The following ILDR1 variants were observed in gnomAD, a reference collection of about 807,000 sequenced individuals.
The protein encoded by ILDR1 is immunoglobulin like domain containing receptor 1.
Under a neutral mutation model 62.4 loss-of-function variants are expected in ILDR1, and 56 were observed. The ratio of observed to expected loss-of-function variants is 0.90; its 90% CI spans 0.72 to 1.12. ILDR1 has a LOEUF of 1.12. ILDR1 is among the 50% of genes most tolerant of loss of function. The pLI, the probability that ILDR1 is intolerant of heterozygous loss-of-function variation, is 0.00. For missense variants in ILDR1, 736 were observed against 710.6 expected (o/e 1.04, Z -0.41); for synonymous variants, 284 against 277.8 (o/e 1.02, Z -0.22).
intron 2 of ILDR1, 66 bp downstream of exon 2, chr3:122,006,925 C>T: frequency 6.6e-7 from 1 of 1,522,094 alleles, no homozygotes; most frequent in East Asian, 2.4e-5. Flanking sequence ...ATCCCTCAAC[C>T]CTAACCGCAG....
chr3:121,993,222 C>CGGCTTCT lies in ILDR1; in HGVS notation c.1520_1526dup (p.Pro510GlufsTer4). ...TGATATCAAGTGAGCGGTAGCTAGGCGGCTTCTCCTCGGGCCAGTGTGGGG... is the reference window on the plus strand; with the variant it reads ...TGATATCAAGTGAGCGGTAGCTAGGCGGCTTCTGGCTTCTCCTCGGGCCAGTGTGGGG... On this transcript the variant is annotated frameshift_variant, in exon 7 of 8. Transcript: ENST00000344209. LOFTEE classifies it high-confidence loss of function. 6.2e-7 allele frequency: 1 copy of CGGCTTCT among 1,613,944 alleles called. No individual in the cohort carries two copies.
At chr3:122,020,683 CT>C (rs1215591578) in intron 1 of ILDR1, among the ~76,000 whole-genome samples, 1 of 152,230 alleles carries the variant, frequency 6.6e-6, no homozygotes, top group African/African-American at 2.4e-5. Context: ...GGAGAGAAGA[CT>C]GTGCAAAGCT....
chr3:122,017,940 G>A (rs992638251), intron 1 of ILDR1, among the ~76,000 whole-genome samples: 5 of 152,208 alleles, frequency 3.3e-5, no homozygotes, highest in Non-Finnish European at 7.3e-5. Context: ...TTACACTGTT[G>A]GTGGGAGTGT....
intron 7 of ILDR1, among the ~76,000 whole-genome samples, chr3:121,992,767 G>A (rs980148474): frequency 2.6e-5 from 4 of 152,208 alleles, no homozygotes; most frequent in African/African-American, 9.7e-5. Context: ...AGAAAGCAAA[G>A]CAGCTGTGAA....
chr3:122,029,982 G>C, the ILDR1 span, among the ~76,000 whole-genome samples: 1 of 151,964 alleles, frequency 6.6e-6, no homozygotes, highest in Non-Finnish European at 1.5e-5. Flanking sequence ...ATCCAGGTTA[G>C]GAAGATGTCA....
chr3:121,990,386 C>T (rs532266820), intron 7 of ILDR1, among the ~76,000 whole-genome samples: 2 of 152,354 alleles, frequency 1.3e-5, no homozygotes, highest in South Asian at 4.1e-4. Context: ...AAAGTGATAA[C>T]TCCTTGGGAG....
At chr3:122,039,742 G>A in the ILDR1 span, among the ~76,000 whole-genome samples, 653 of 152,078 alleles carry the variant, frequency 4.3e-3, 9 homozygotes, top group Non-Finnish European at 5.0e-3. Flanking sequence ...ATGAGGGTAA[G>A]ATAAAATTTA....
At chr3:122,048,186 G>A in the ILDR1 span, among the ~76,000 whole-genome samples, 1 of 152,136 alleles carries the variant, frequency 6.6e-6, no homozygotes, top group Non-Finnish European at 1.5e-5. Context: ...ATTTTACCAA[G>A]TATTTTTTCT....
At chr3:122,031,366 G>A in the ILDR1 span, among the ~76,000 whole-genome samples, 415 of 152,314 alleles carry the variant, frequency 2.7e-3, 3 homozygotes, top group African/African-American at 9.6e-3. Flanking sequence ...TGATCCAGAA[G>A]TTCTTTTCAG....
the ILDR1 span, among the ~76,000 whole-genome samples, chr3:122,029,511 A>ATATATATATATATATATATATATATATAT: frequency 2.2e-5 from 3 of 139,500 alleles, no homozygotes; most frequent in Admixed American, 7.0e-5. Flanking sequence ...GTCTAAAAAA[A>ATATATATATATATATATATATATATATAT]ATATATATAT....
At chr3:122,034,508 G>A in the ILDR1 span, among the ~76,000 whole-genome samples, 6,824 of 152,268 alleles carry the variant, frequency 0.045, 215 homozygotes, top group South Asian at 0.1. Flanking sequence ...TACCTTAGCT[G>A]ATGCTTCCAG....
At chr3:122,002,075 A>G (rs1253917019) in intron 3 of ILDR1, among the ~76,000 whole-genome samples, 1 of 152,176 alleles carries the variant, frequency 6.6e-6, no homozygotes, top group Non-Finnish European at 1.5e-5. Context: ...AGGAAGTTGA[A>G]GCTGCAGTGA....
chr3:122,005,792 G>A (rs1413780860), intron 2 of ILDR1, among the ~76,000 whole-genome samples: 7 of 151,982 alleles, frequency 4.6e-5, no homozygotes, highest in East Asian at 1.9e-4. Context: ...CCAGCTACTC[G>A]GGAGGCTAAG....
chr3:121,993,933 C>T lies in ILDR1; in HGVS notation c.816G>A (p.Met272Ile). The change falls in exon 7 of 8, where the codon ATG becomes ATA. Residue 272 changes from methionine (M) to isoleucine (I), a missense_variant. Physicochemically the swap from Met to Ile is conservative, Grantham distance 10. Transcript: ENST00000344209. ...TGGGAGGCTGATTGGTGGTCTGGGT[C>T]ATTGGCATCTGCGGGAGGCTGGACG... ...SLPSSLPQMPMTQTTNQPPIA... is the reference protein window; with the variant it reads ...SLPSSLPQMPITQTTNQPPIA... The T allele has an allele frequency of 1.2e-6, 2 of 1,613,096 alleles. No individual in the cohort carries two copies. Among genetic ancestry groups the T allele is most frequent in the Non-Finnish European group, 1.7e-6 (2 of 1,180,008 alleles).
chr3:122,058,585 G>A, the ILDR1 span, among the ~76,000 whole-genome samples: 2 of 152,090 alleles, frequency 1.3e-5, no homozygotes, highest in South Asian at 4.1e-4. Flanking sequence ...GTGCATGGGG[G>A]AATTTTAAGT....
At chr3:122,032,322 G>A in the ILDR1 span, among the ~76,000 whole-genome samples, 1 of 152,172 alleles carries the variant, frequency 6.6e-6, no homozygotes, top group Non-Finnish European at 1.5e-5. Context: ...TTTCTGAATA[G>A]TATTCCATTG....
At chr3:122,047,023 T>C in the ILDR1 span, among the ~76,000 whole-genome samples, 1 of 145,254 alleles carries the variant, frequency 6.9e-6, no homozygotes, top group African/African-American at 2.6e-5. Context: ...AGTTTTTCTG[T>C]TCTGTTTTTT....
At chr3:122,053,246 TTCTATA>T in the ILDR1 span, among the ~76,000 whole-genome samples, 1 of 152,240 alleles carries the variant, frequency 6.6e-6, no homozygotes, top group Non-Finnish European at 1.5e-5. Context: ...TATTGGCCAT[TTCTATA>T]TCTTCCTTGA....
intron 1 of ILDR1, among the ~76,000 whole-genome samples, chr3:122,018,960 G>C (rs542378789): frequency 6.6e-5 from 10 of 152,164 alleles, no homozygotes; most frequent in Non-Finnish European, 1.5e-4. Flanking sequence ...GTCTCTCTAA[G>C]GATATTCTTA....
Sources: allele counts gnomAD v4.1 joint callset (sites outside exome capture counted in the v4.1 genomes callset), GRCh38; gene constraint gnomAD v4.1.1; transcripts MANE v1.5; gene names NCBI Gene and HGNC (gene_info 2026-07-23, HGNC 2026-07-21).